The following SORCS2 variants were observed in gnomAD, a reference collection of about 807,000 sequenced individuals.
SORCS2 encodes VPS10 domain-containing receptor SorCS2.
A neutral mutation model predicts 141.6 loss-of-function variants in SORCS2; 100 were observed. That is an observed-to-expected ratio of 0.71 (90% CI 0.60 to 0.83). The LOEUF (loss-of-function observed/expected upper bound fraction) is 0.83, where lower values mean the gene tolerates loss of function less well. SORCS2 is among the 40% of genes least tolerant of loss of function. The pLI, the probability that SORCS2 is intolerant of heterozygous loss-of-function variation, is 0.00. For missense variants in SORCS2, 1,646 were observed against 1,560.2 expected (o/e 1.05, Z -0.93); for synonymous variants, 789 against 676.9 (o/e 1.17, Z -2.57).
At chr4:7,439,667 C>T (rs1276295553) in intron 2 of SORCS2, among the ~76,000 whole-genome samples, 3 of 152,300 alleles carry the variant, frequency 2.0e-5, no homozygotes, top group East Asian at 1.9e-4. Context: ...GGATGTCCTC[C>T]GTCCCTGCCT....
intron 1 of SORCS2, among the ~76,000 whole-genome samples, chr4:7,229,032 G>C (rs1031137207): frequency 2.6e-5 from 4 of 152,212 alleles, no homozygotes; most frequent in African/African-American, 9.7e-5. Context: ...TCGTGGCCTG[G>C]TCTGTGTTGA....
At chr4:7,637,499 G>A (rs1012983915) in intron 3 of SORCS2, among the ~76,000 whole-genome samples, 4 of 152,230 alleles carry the variant, frequency 2.6e-5, no homozygotes, top group South Asian at 4.1e-4. Context: ...ATGGATTCAC[G>A]TTCATGGCAG....
At chr4:7,636,569 T>G (rs1319746290) in intron 3 of SORCS2, among the ~76,000 whole-genome samples, 1 of 151,782 alleles carries the variant, frequency 6.6e-6, no homozygotes. Context: ...CACCTGTGAG[T>G]GTCTGGGTGT....
At chr4:7,300,199 T>C (rs988247233) in intron 1 of SORCS2, among the ~76,000 whole-genome samples, 3 of 151,994 alleles carry the variant, frequency 2.0e-5, no homozygotes, top group Admixed American at 2.0e-4. Context: ...GAAGGCACAG[T>C]CACTGCCAGG....
chr4:7,671,940 A>AC (rs1475476961), intron 8 of SORCS2, among the ~76,000 whole-genome samples: 1 of 142,520 alleles, frequency 7.0e-6, no homozygotes, highest in Admixed American at 6.8e-5. Flanking sequence ...AAAGACAGAA[A>AC]CTTTTTTTTT....
At chr4:7,223,295 G>A (rs71601830) in intron 1 of SORCS2, among the ~76,000 whole-genome samples, 237 of 129,742 alleles carry the variant, frequency 1.8e-3, no homozygotes, top group African/African-American at 4.9e-3. Context: ...GTGTATATGC[G>A]CACACACACA....
chr4:7,547,112 C>T (rs961396159), intron 3 of SORCS2, among the ~76,000 whole-genome samples: 1 of 152,136 alleles, frequency 6.6e-6, no homozygotes, highest in Non-Finnish European at 1.5e-5. Context: ...AACTGGGCTT[C>T]TCCAGGCATT....
intron 1 of SORCS2, among the ~76,000 whole-genome samples, chr4:7,263,502 G>C (rs929601274): frequency 1.3e-5 from 2 of 152,238 alleles, no homozygotes; most frequent in Admixed American, 6.5e-5. Flanking sequence ...AGCCGGGCGT[G>C]TCCGACCTGA....
Position 7,201,173 on chromosome 4 carries a change from C to T in SORCS2, c.480+8047C>T, listed in dbSNP as rs1302510498. Among the ~76,000 whole-genome samples the T allele has an allele frequency of 6.6e-6, 1 of 152,092 alleles. No homozygotes were observed. The highest frequency in any genetic ancestry group is 1.9e-4 in the East Asian group (1 of 5,178). On this transcript the variant is annotated intron_variant, in intron 1 of 26. Coordinates refer to ENST00000507866, the MANE Select transcript of SORCS2 (RefSeq NM_020777.3). This position sits in a 1 kb window ranked among gnomAD's most constrained non-coding sequence, Gnocchi z 4.4. ...AGCTGCTCTGCAGGATGAGTAGAGT[C>T]CCGGGCTGAGGAGGAGGTTGGAATG...
At chr4:7,578,629 C>T (rs796393678) in intron 3 of SORCS2, among the ~76,000 whole-genome samples, 1 of 152,136 alleles carries the variant, frequency 6.6e-6, no homozygotes, top group African/African-American at 2.4e-5. Context: ...CAAACAAAGC[C>T]GAGAATGAGT....
chr4:7,552,001 T>A (rs1438658403), intron 3 of SORCS2, among the ~76,000 whole-genome samples: 2 of 152,202 alleles, frequency 1.3e-5, no homozygotes, highest in Non-Finnish European at 2.9e-5. Context: ...ACCACATCAC[T>A]GTGCTCCACA....
chr4:7,490,579 C>T (rs954143828), intron 2 of SORCS2, among the ~76,000 whole-genome samples: 3 of 152,128 alleles, frequency 2.0e-5, no homozygotes, highest in Non-Finnish European at 2.9e-5. Flanking sequence ...GAGGGAGGAC[C>T]GGCAGGGGTG....
At chr4:7,525,437 G>A (rs1733608782) in intron 2 of SORCS2, among the ~76,000 whole-genome samples, 1 of 152,034 alleles carries the variant, frequency 6.6e-6, no homozygotes, top group Admixed American at 6.5e-5. Context: ...GCAGTGGGCG[G>A]ACATGAGCCC....
At chr4:7,713,801 C>G (rs1725988062) in intron 15 of SORCS2, among the ~76,000 whole-genome samples, 1 of 152,202 alleles carries the variant, frequency 6.6e-6, no homozygotes. Flanking sequence ...ACCGGGCATC[C>G]TCACTGGCCC....
intron 3 of SORCS2, among the ~76,000 whole-genome samples, chr4:7,569,398 G>A (rs1440144479): frequency 2.0e-5 from 3 of 152,208 alleles, no homozygotes; most frequent in African/African-American, 7.2e-5. Context: ...TGTAATCCCA[G>A]CTACTTGGGA....
rs537105636 is a variant in SORCS2, at chr4:7,434,471, G to A, written c.548+38116G>A. 5.3e-5 allele frequency: 85 copies of A among 1,611,540 alleles called. No individual in the cohort carries two copies. In the East Asian group the frequency reaches 1.8e-3, roughly 33 times the overall value. ...CTCTGCAGCGGCTCACAGAGGCTGAGCGCTGTGCACACCTGTGCCGGGGCA... is the reference window on the plus strand; with the variant it reads ...CTCTGCAGCGGCTCACAGAGGCTGAACGCTGTGCACACCTGTGCCGGGGCA... On this transcript the variant is annotated intron_variant, in intron 2 of 26. Coordinates refer to ENST00000507866, the MANE Select transcript of SORCS2 (RefSeq NM_020777.3).
In SORCS2 at chr4:7,696,324, C is replaced by G. The variant is rs1271922855; in HGVS notation, c.1592-874C>G. The stretch of plus-strand genomic sequence containing the variant: ...CTGTCTCTGCCACAGCCATTGGGTA[C>G]AGTGGAAGTCCCAAATCTGTCTCAT... On this transcript the variant is annotated intron_variant, in intron 11 of 26. Transcript: ENST00000507866. Among the ~76,000 whole-genome samples the G allele has an allele frequency of 2.6e-5, 4 of 152,154 alleles. No homozygotes were observed. The East Asian group carries it at 5.8e-4, about 22-fold the overall frequency.
At chr4:7,411,300 G>C (rs1217224151) in intron 2 of SORCS2, among the ~76,000 whole-genome samples, 1 of 151,762 alleles carries the variant, frequency 6.6e-6, no homozygotes, top group African/African-American at 2.4e-5. Context: ...TTGGGTCCGG[G>C]CTCCAGGGAC....
intron 23 of SORCS2, among the ~76,000 whole-genome samples, chr4:7,732,105 C>T (rs1711736250): frequency 6.6e-6 from 1 of 152,158 alleles, no homozygotes; most frequent in South Asian, 2.1e-4. Flanking sequence ...AGCCAGAAAA[C>T]AGGTGACTCG....
Sources: allele counts gnomAD v4.1 joint callset (sites outside exome capture counted in the v4.1 genomes callset), GRCh38; gene constraint gnomAD v4.1.1; non-coding constraint Gnocchi (gnomAD v3.1); transcripts MANE v1.5; gene names NCBI Gene and HGNC (gene_info 2026-07-23, HGNC 2026-07-21).